LUC7L3: variants seen among roughly 807,000 people sequenced by gnomAD.
The protein encoded by LUC7L3 is luc7-like protein 3.
LUC7L3 carries 6 observed loss-of-function variants against 66.8 expected under a neutral mutation model. The ratio of observed to expected loss-of-function variants is 0.09; its 90% confidence interval spans 0.05 to 0.18. LUC7L3 has a LOEUF of 0.18. Among genes scored for constraint, LUC7L3 ranks in the 10% least tolerant of loss-of-function variants. LUC7L3 has a pLI of 1.00. For missense variants in LUC7L3, 341 were observed against 531.1 expected (o/e 0.64, Z 3.52); for synonymous variants, 160 against 174.7 (o/e 0.92, Z 0.66).
At chr17:50,728,133 A>T (rs1357072076) in intron 1 of LUC7L3, among the ~76,000 whole-genome samples, 1 of 144,590 alleles carries the variant, frequency 6.9e-6, no homozygotes, top group African/African-American at 2.6e-5. Context: ...AAAAAAAAAA[A>T]AGTTTTTATA....
chr17:50,737,903 C>T (rs1970081763), intron 2 of LUC7L3, among the ~76,000 whole-genome samples: 1 of 152,116 alleles, frequency 6.6e-6, no homozygotes, highest in Admixed American at 6.5e-5. Flanking sequence ...TGGTACATAA[C>T]CAGGATCATT....
intron 1 of LUC7L3, among the ~76,000 whole-genome samples, chr17:50,734,034 A>G (rs1053870133): frequency 1.3e-5 from 2 of 152,228 alleles, no homozygotes; most frequent in Non-Finnish European, 2.9e-5. Flanking sequence ...GAATTAGAAA[A>G]TCATATGGCA....
intron 1 of LUC7L3, chr17:50,721,987 C>T (rs1968801430): frequency 6.6e-6 from 1 of 151,682 alleles, no homozygotes; most frequent in Admixed American, 6.6e-5. Context: ...GCCGTGGCAT[C>T]TGTAAGTATT....
Position 50,755,516 on chromosome 17 carries a change from G to A in LUC7L3, c.*4855G>A, listed in dbSNP as rs183341512. ...CAGAGAAGTAAATGTATTTTTCATT[G>A]TTGTATCAGAATTTTGAATTTACTA... On this transcript the variant is annotated 3_prime_UTR_variant, in exon 10 of 10. Transcript: ENST00000505658. 8 of 152,190 alleles carry A rather than the reference G, an allele frequency of 5.3e-5. No homozygotes were observed. Among genetic ancestry groups the A allele is most frequent in the Non-Finnish European group, 1.2e-4 (8 of 67,970 alleles). The allele number at this position is 152,190 out of a possible 1,614,324, so 9.4% of individuals were successfully genotyped here. A position where few individuals can be genotyped will look rare whatever the true frequency, so the allele number is the denominator to read the frequency against.
At chr17:50,738,933 A>G (rs1970169165) in intron 2 of LUC7L3, among the ~76,000 whole-genome samples, 1 of 152,118 alleles carries the variant, frequency 6.6e-6, no homozygotes, top group Non-Finnish European at 1.5e-5. Flanking sequence ...AGAATTATGA[A>G]TCAGAATGGC....
intron 1 of LUC7L3, among the ~76,000 whole-genome samples, chr17:50,731,181 C>CT (rs1168061392): frequency 6.6e-6 from 1 of 152,036 alleles, no homozygotes; most frequent in Non-Finnish European, 1.5e-5. Flanking sequence ...TGGGTTTATT[C>CT]TTTTTTTGAG....
At chr17:50,732,597 T>G (rs1969687476) in intron 1 of LUC7L3, among the ~76,000 whole-genome samples, 1 of 151,154 alleles carries the variant, frequency 6.6e-6, no homozygotes, top group Non-Finnish European at 1.5e-5. Flanking sequence ...GGTCTTACTA[T>G]GTTGCCCAGG....
chr17:50,747,528 TCTC>T (rs1970755097), intron 9 of LUC7L3, among the ~76,000 whole-genome samples: 1 of 152,124 alleles, frequency 6.6e-6, no homozygotes, highest in South Asian at 2.1e-4. Context: ...TTTTCTCAGC[TCTC>T]CTTGTTTCAT....
At position 50,741,264 on chromosome 17, in the gene LUC7L3, A is replaced by C; in HGVS notation, c.351+18A>C. ...CTTCTGGGGTAAGTGAAGTCAATTC[A>C]GTCTTTGTAAACGGTCCTTGTTTTC... is the stretch of plus-strand genomic sequence containing the variant. On this transcript the variant is annotated intron_variant, in intron 4 of 9. Coordinates refer to ENST00000505658, the MANE Select transcript of LUC7L3 (RefSeq NM_016424.5). 6.2e-7 allele frequency: 1 copy of C among 1,611,852 alleles called. No individual in the cohort carries two copies. The highest frequency in any genetic ancestry group is 2.2e-5 in the East Asian group (1 of 44,854).
At position 50,743,807 on chromosome 17, in the gene LUC7L3, G is replaced by A. The variant is rs1970499044; in HGVS notation, c.528G>A (p.Thr176=). 6 of 1,605,930 alleles carry A rather than the reference G, an allele frequency of 3.7e-6. No individual in the cohort carries two copies. Among genetic ancestry groups the A allele is most frequent in the South Asian group, 1.1e-5 (1 of 90,736 alleles). ...AGAGAGAACTGCTAAGGTCCACAACGTCGGTGAGTAAACCTTATTTCACAT... is the reference window on the plus strand; with the variant it reads ...AGAGAGAACTGCTAAGGTCCACAACATCGGTGAGTAAACCTTATTTCACAT... ...KEERELLRST[T]STIESFAAQE... is the part of the protein sequence containing the mutation. The change falls in exon 6 of 10, where the codon ACG becomes ACA. Residue 176 remains threonine (T), a synonymous_variant. Coordinates refer to ENST00000505658, the MANE Select transcript of LUC7L3 (RefSeq NM_016424.5).
chr17:50,732,848 C>T (rs1217149286), intron 1 of LUC7L3, among the ~76,000 whole-genome samples: 1 of 152,128 alleles, frequency 6.6e-6, no homozygotes, highest in East Asian at 1.9e-4. Flanking sequence ...GCAGTCCTCC[C>T]ATCTCAACCT....
At chr17:50,746,298 C>G (rs1970663267) in intron 8 of LUC7L3, among the ~76,000 whole-genome samples, 1 of 152,022 alleles carries the variant, frequency 6.6e-6, no homozygotes. Context: ...TGAAATCAGC[C>G]ATACTGTTTT....
At chr17:50,724,332 C>A in intron 1 of LUC7L3, 2 of 155,002 alleles carry the variant, frequency 1.3e-5, no homozygotes, top group Non-Finnish European at 2.9e-5. Context: ...CCAGCCTGGC[C>A]AACATGGTGA....
At chr17:50,735,078 A>G (rs1195820484) in intron 1 of LUC7L3, among the ~76,000 whole-genome samples, 1 of 152,004 alleles carries the variant, frequency 6.6e-6, no homozygotes, top group Non-Finnish European at 1.5e-5. Context: ...TAAAAATTCA[A>G]AATTGGCCGG....
intron 8 of LUC7L3, among the ~76,000 whole-genome samples, 158 bp downstream of exon 8, chr17:50,746,161 TC>T (rs1377366195): frequency 6.6e-6 from 1 of 152,134 alleles, no homozygotes; most frequent in African/African-American, 2.4e-5. Flanking sequence ...ATAAAATAGT[TC>T]CATCTTCGGG....
At position 50,751,440 on chromosome 17, in the gene LUC7L3, T is replaced by C. The variant is rs1970968754; in HGVS notation, c.*779T>C. Reference sequence around the variant, plus strand: ...TGCCTGTGATCTTTACGCTTAACTGTTGTGTATCTTTTTTGTTCTTTACAA... The same window carrying C: ...TGCCTGTGATCTTTACGCTTAACTGCTGTGTATCTTTTTTGTTCTTTACAA... On this transcript the variant is annotated 3_prime_UTR_variant, in exon 10 of 10. Coordinates refer to ENST00000505658, the MANE Select transcript of LUC7L3 (RefSeq NM_016424.5). The C allele has an allele frequency of 7.9e-7, 1 of 1,269,582 alleles. No homozygotes were observed. The highest frequency in any genetic ancestry group is 2.4e-5 in the Admixed American group (1 of 41,090). 78.6% of individuals were successfully genotyped at this position (1,269,582 alleles called of 1,614,324 possible). A position where few individuals can be genotyped will look rare whatever the true frequency, so the allele number is the denominator to read the frequency against.
chr17:50,754,994 T>C lies in LUC7L3; in HGVS notation c.*4333T>C, dbSNP rs909297410. ...GCATTGCAGATGGGCTATGTGAATA[T>C]GTTTTTAAACATCTGATATGTGCAT... On this transcript the variant is annotated 3_prime_UTR_variant, in exon 10 of 10. Transcript: ENST00000505658. The C allele has an allele frequency of 3.9e-5, 6 of 152,218 alleles. No individual in the cohort carries two copies. Among genetic ancestry groups the C allele is most frequent in the Non-Finnish European group, 5.9e-5 (4 of 68,040 alleles). The allele number at this position is 152,218 out of a possible 1,614,324, so 9.4% of individuals were successfully genotyped here.
chr17:50,723,714 G>T (rs1001146294), intron 1 of LUC7L3: 3 of 256,742 alleles, frequency 1.2e-5, no homozygotes, highest in Non-Finnish European at 2.4e-5. Flanking sequence ...GAGTGTAGTG[G>T]CATGATCTTG....
chr17:50,738,257 T>C (rs191944176), intron 2 of LUC7L3: 14 of 379,806 alleles, frequency 3.7e-5, no homozygotes, highest in African/African-American at 3.0e-4. Context: ...TTTCCTATGA[T>C]AAAGCCCATT....
Sources: gnomAD v4.1 joint callset for allele counts (sites outside exome capture counted in the v4.1 genomes callset) on GRCh38, gnomAD v4.1.1 for gene constraint, MANE v1.5 for transcripts, NCBI Gene and HGNC (gene_info 2026-07-23, HGNC 2026-07-21) for gene names.